WDR64: variants seen among roughly 807,000 people sequenced by gnomAD.
WDR64 encodes WD repeat domain 64.
WDR64 carries 112 observed loss-of-function variants against 139.3 expected under a neutral mutation model. The ratio of observed to expected loss-of-function variants is 0.80; its 90% confidence interval spans 0.69 to 0.94. The LOEUF is 0.94. Ranked by LOEUF, WDR64 falls within the 40% of genes least tolerant of loss-of-function variation. The pLI, the probability that WDR64 is intolerant of heterozygous loss-of-function variation, is 0.00. For missense variants in WDR64, 1,206 were observed against 1,293.1 expected, an observed-to-expected ratio of 0.93 and a Z score of 1.03; for synonymous variants, 444 against 437.7, an observed-to-expected ratio of 1.01 and a Z score of -0.18.
At chr1:241,728,385 T>G (rs1048096933) in intron 10 of WDR64, among the ~76,000 whole-genome samples, 4 of 149,048 alleles carry the variant, frequency 2.7e-5, no homozygotes, top group African/African-American at 9.9e-5. Context: ...ATGTTTTTGG[T>G]TTTTTTATTG....
At chr1:241,760,866 T>C (rs1574076466) in intron 15 of WDR64, among the ~76,000 whole-genome samples, 1 of 149,196 alleles carries the variant, frequency 6.7e-6, no homozygotes, top group Non-Finnish European at 1.5e-5. Flanking sequence ...CTTGGGTTCA[T>C]GCCATTCTCC....
At chr1:241,723,588 C>A in intron 10 of WDR64, 152 bp downstream of exon 10, 1 of 861,670 alleles carries the variant, frequency 1.2e-6, no homozygotes, top group South Asian at 2.0e-5. Flanking sequence ...AAATGATAAG[C>A]CAATGTTCTC....
intron 10 of WDR64, among the ~76,000 whole-genome samples, chr1:241,729,600 A>C (rs1668994921): frequency 6.6e-6 from 1 of 152,204 alleles, no homozygotes; most frequent in Non-Finnish European, 1.5e-5. Context: ...TCCCATTCCC[A>C]GACATCCTAT....
intron 14 of WDR64, among the ~76,000 whole-genome samples, chr1:241,753,151 G>A (rs1670041663): frequency 6.6e-6 from 1 of 152,060 alleles, no homozygotes; most frequent in Admixed American, 6.6e-5. Flanking sequence ...ACTAGCTAAA[G>A]CCCTCATTTT....
At chr1:241,701,948 A>G (rs1352958736) in intron 8 of WDR64, among the ~76,000 whole-genome samples, 1 of 152,222 alleles carries the variant, frequency 6.6e-6, no homozygotes, top group African/African-American at 2.4e-5. Flanking sequence ...TTAAATTGGG[A>G]GCCAATAGCT....
At chr1:241,762,576 T>G (rs7551270) in intron 15 of WDR64, among the ~76,000 whole-genome samples, 114,376 of 151,868 alleles carry the variant, frequency 0.75, 43,397 homozygotes, top group Non-Finnish European at 0.8. Flanking sequence ...TCTAATATTA[T>G]AGTACTCTAA....
At chr1:241,756,152 T>C (rs569664834) in intron 14 of WDR64, among the ~76,000 whole-genome samples, 1 of 152,238 alleles carries the variant, frequency 6.6e-6, no homozygotes, top group African/African-American at 2.4e-5. Context: ...TTATTTTGGT[T>C]AGTATGGCCA....
At position 241,801,304 on chromosome 1, in the gene WDR64, A is replaced by G; in HGVS notation, c.*89A>G. 1 of 1,139,294 alleles carries G rather than the reference A, an allele frequency of 8.8e-7. No individual in the cohort carries two copies. The highest frequency in any genetic ancestry group is 1.3e-6 in the Non-Finnish European group (1 of 765,492). 70.6% of individuals were successfully genotyped at this position (1,139,294 alleles called of 1,614,324 possible). A position where few individuals can be genotyped will look rare whatever the true frequency, so the allele number is the denominator to read the frequency against. ...TATTTCAGGATGAGAGGGAGAAACC[A>G]CCAGACACTATCAGTCATCTCTGGT... On this transcript the variant is annotated 3_prime_UTR_variant, in exon 28 of 28. Coordinates refer to ENST00000437684, the MANE Select transcript of WDR64 (RefSeq NM_001367482.1).
chr1:241,665,856 T>G (rs1205658774), intron 2 of WDR64, among the ~76,000 whole-genome samples: 1 of 152,146 alleles, frequency 6.6e-6, no homozygotes, highest in Non-Finnish European at 1.5e-5. Context: ...CCACACCATA[T>G]GGAATGCCTA....
intron 7 of WDR64, among the ~76,000 whole-genome samples, chr1:241,685,522 G>T (rs1373104325): frequency 6.6e-6 from 1 of 151,874 alleles, no homozygotes; most frequent in Non-Finnish European, 1.5e-5. Flanking sequence ...ACTTCAAAGA[G>T]GTGATTTTTA....
At chr1:241,770,561 C>G in intron 17 of WDR64, 60 bp from the exon 18 acceptor site, 1 of 1,452,304 alleles carries the variant, frequency 6.9e-7, no homozygotes, top group Non-Finnish European at 9.4e-7. Flanking sequence ...GAAGCACACC[C>G]TTTGAGTATG....
intron 8 of WDR64, among the ~76,000 whole-genome samples, chr1:241,705,609 T>C (rs1306475629): frequency 6.8e-6 from 1 of 146,842 alleles, no homozygotes; most frequent in African/African-American, 2.5e-5. Context: ...AGATACAAGG[T>C]CTTAATGTTA....
At chr1:241,735,150 A>T (rs1669248166) in intron 10 of WDR64, among the ~76,000 whole-genome samples, 1 of 152,196 alleles carries the variant, frequency 6.6e-6, no homozygotes, top group Non-Finnish European at 1.5e-5. Context: ...TTTATAGTGT[A>T]AATATTACAA....
At position 241,670,449 on chromosome 1, in the gene WDR64, A is replaced by ATGATGAGGAC. The variant is rs527792553; in HGVS notation, c.277-620_277-611dup. 4.8e-3 allele frequency among the ~76,000 whole-genome samples: 734 copies of ATGATGAGGAC among 152,348 alleles called. 12 individuals carry two copies. Among genetic ancestry groups the ATGATGAGGAC allele is most frequent in the Admixed American group, 0.032 (483 of 15,302 alleles). ...TCAAAGTTCTTAGCTGGGGCCCTGC[A>ATGATGAGGAC]TGATGAGGACTGATTTGATTTCCAA... On this transcript the variant is annotated intron_variant, in intron 2 of 27. Transcript: ENST00000437684.
At chr1:241,794,193 A>G (rs1439101065) in intron 25 of WDR64, among the ~76,000 whole-genome samples, 3 of 147,306 alleles carry the variant, frequency 2.0e-5, no homozygotes, top group East Asian at 4.2e-4. Context: ...AAAAAAAAAA[A>G]AGAAAAAAAG....
chr1:241,760,514 T>C (rs1670387485), intron 15 of WDR64, among the ~76,000 whole-genome samples: 8 of 151,106 alleles, frequency 5.3e-5, no homozygotes, highest in Admixed American at 5.3e-4. Flanking sequence ...GGAACTTATA[T>C]CACAAAAGGA....
At chr1:241,672,505 G>A (rs1250173699) in intron 3 of WDR64, among the ~76,000 whole-genome samples, 1 of 152,188 alleles carries the variant, frequency 6.6e-6, no homozygotes, top group African/African-American at 2.4e-5. Flanking sequence ...AGTCTACTAT[G>A]TAGGCCAGAC....
chr1:241,726,816 T>C (rs1220229827), intron 10 of WDR64, among the ~76,000 whole-genome samples: 1 of 152,132 alleles, frequency 6.6e-6, no homozygotes. Context: ...TGGATATACA[T>C]GGATGGATTT....
At chr1:241,797,311 T>C (rs1659395406) in intron 27 of WDR64, among the ~76,000 whole-genome samples, 1 of 152,322 alleles carries the variant, frequency 6.6e-6, no homozygotes, top group Admixed American at 6.5e-5. Context: ...GAAACCATGA[T>C]AGCCTACACA....
Sources: allele counts gnomAD v4.1 joint callset (sites outside exome capture counted in the v4.1 genomes callset), GRCh38; gene constraint gnomAD v4.1.1; transcripts MANE v1.5; gene names NCBI Gene and HGNC (gene_info 2026-07-23, HGNC 2026-07-21).